The following TNKS variants were observed in gnomAD, a reference collection of about 807,000 sequenced individuals.
TNKS encodes the protein poly [ADP-ribose] polymerase tankyrase-1.
TNKS carries 72 observed loss-of-function variants against 135.8 expected under a neutral mutation model. The observed-to-expected ratio is 0.53, with a 90% CI of 0.44 to 0.64. The LOEUF is 0.64. TNKS is among the 30% of genes least tolerant of loss of function. The pLI is 0.00. For synonymous variants in TNKS, 849 were observed against 649.3 expected (o/e 1.31, Z -4.68); for missense variants, 1,769 against 1,674.0 (o/e 1.06, Z -0.99).
At chr8:9,735,569 G>A (rs1439943699) in intron 17 of TNKS, 83 bp downstream of exon 17, 1 of 1,091,440 alleles carries the variant, frequency 9.2e-7, no homozygotes. Context: ...AGGAGGCCGA[G>A]GAAGGTAGAT....
Position 9,769,655 on chromosome 8 carries a change from T to G in TNKS, c.3741-451T>G, listed in dbSNP as rs554627211. Among the ~76,000 whole-genome samples, 8 of 143,746 alleles carry G rather than the reference T, an allele frequency of 5.6e-5. No individual in the cohort carries two copies. In the East Asian group the frequency reaches 1.8e-3, roughly 32 times the overall value. The allele number at this position is 143,746 out of a possible 152,430, so 94.3% of individuals were successfully genotyped here. A position where few individuals can be genotyped will look rare whatever the true frequency, so the allele number is the denominator to read the frequency against. ...TTTTTTTTGAGACGGAGTCTCGCTCTGTCGCCCAGCCTGGAGTGCAGTGGC... is the reference window on the plus strand; with the variant it reads ...TTTTTTTTGAGACGGAGTCTCGCTCGGTCGCCCAGCCTGGAGTGCAGTGGC... On this transcript the variant is annotated intron_variant, in intron 25 of 26. Coordinates refer to ENST00000310430, the MANE Select transcript of TNKS (RefSeq NM_003747.3).
chr8:9,663,529 C>T (rs1801836688), intron 3 of TNKS, among the ~76,000 whole-genome samples: 1 of 152,320 alleles, frequency 6.6e-6, no homozygotes, highest in East Asian at 1.9e-4. Flanking sequence ...TCTGTTCTAA[C>T]ACTGTCTGCT....
chr8:9,735,466 C>G lies in TNKS; in HGVS notation c.2623C>G (p.His875Asp), dbSNP rs1805650756. 1 of 1,613,678 alleles carries G rather than the reference C, an allele frequency of 6.2e-7. No homozygotes were observed. The highest frequency in any genetic ancestry group is 8.5e-7 in the Non-Finnish European group (1 of 1,179,774). ...GGACAAGGGTGGTTTAATTCCTCTT[C>G]ATAATGCGGCATCTTATGGGGTAAG... is the stretch of plus-strand genomic sequence containing the variant. ...AQDKGGLIPL[H>D]NAASYGHVDI... The change falls in exon 17 of 27, where the codon CAT becomes GAT. Residue 875 changes from histidine (H) to aspartate (D), a missense_variant. Transcript: ENST00000310430.
chr8:9,719,384 A>T (rs574637408), intron 11 of TNKS, among the ~76,000 whole-genome samples: 25 of 152,312 alleles, frequency 1.6e-4, no homozygotes, highest in Admixed American at 4.6e-4. Flanking sequence ...CTTTAGCAGG[A>T]GCTTTCTAGA....
intron 3 of TNKS, among the ~76,000 whole-genome samples, chr8:9,672,681 T>TACAC (rs60210743): frequency 0.083 from 6,983 of 84,470 alleles, 474 homozygotes; most frequent in Non-Finnish European, 0.11. Context: ...AAAAAACACA[T>TACAC]ACACACACAC....
At chr8:9,663,702 G>A (rs781503966) in intron 3 of TNKS, among the ~76,000 whole-genome samples, 5 of 152,198 alleles carry the variant, frequency 3.3e-5, no homozygotes, top group African/African-American at 1.2e-4. Flanking sequence ...TTATTTGCTA[G>A]TGGTGCCCAC....
intron 1 of TNKS, among the ~76,000 whole-genome samples, chr8:9,578,219 A>G (rs1282322953): frequency 6.6e-6 from 1 of 152,228 alleles, no homozygotes; most frequent in African/African-American, 2.4e-5. Flanking sequence ...TCAGATCCGT[A>G]GAGAAGGAGA....
intron 2 of TNKS, among the ~76,000 whole-genome samples, chr8:9,611,820 T>A (rs1323096645): frequency 6.6e-6 from 1 of 152,226 alleles, no homozygotes; most frequent in Non-Finnish European, 1.5e-5. Context: ...TTTGGGACAT[T>A]TAAGAATGTG....
At position 9,730,207 on chromosome 8, in the gene TNKS, T is replaced by C. The variant is rs189250961; in HGVS notation, c.2002-683T>C. On this transcript the variant is annotated intron_variant, in intron 13 of 26. Transcript: ENST00000310430. ...AACAAACGGAGCTTACAATTTAGAT[T>C]GTGCTGAAATTGAAGCATTCAGGGA... is the stretch of plus-strand genomic sequence containing the variant. Among the ~76,000 whole-genome samples the C allele has an allele frequency of 2.0e-5, 3 of 152,278 alleles. No individual in the cohort carries two copies. In the East Asian group the frequency reaches 5.8e-4, roughly 29 times the overall value.
Position 9,770,271 on chromosome 8 carries a change from C to G in TNKS, c.3897+9C>G, listed in dbSNP as rs1348186392. 2 of 1,603,042 alleles carry G rather than the reference C, an allele frequency of 1.2e-6. No individual in the cohort carries two copies. The highest frequency in any genetic ancestry group is 1.1e-5 in the South Asian group (1 of 90,374). ...TCTACAGAGGAGAACAGGTATGTTACTCATCAAACAAGCATAACCAAGTTC... is the reference window on the plus strand; with the variant it reads ...TCTACAGAGGAGAACAGGTATGTTAGTCATCAAACAAGCATAACCAAGTTC... On this transcript the variant is annotated intron_variant, in intron 26 of 26. Coordinates refer to ENST00000310430, the MANE Select transcript of TNKS (RefSeq NM_003747.3).
chr8:9,752,752 T>C, intron 20 of TNKS, 126 bp downstream of exon 20: 2 of 583,806 alleles, frequency 3.4e-6, no homozygotes, highest in South Asian at 2.9e-5. Flanking sequence ...CCCAGGAGTT[T>C]GAGACCAGCC....
Position 9,680,034 on chromosome 8 carries a change from A to G in TNKS, c.1031+47A>G, listed in dbSNP as rs547227107. The G allele has an allele frequency of 1.1e-5, 16 of 1,418,240 alleles. No individual in the cohort carries two copies. The East Asian group carries it at 1.4e-4, about 12-fold the overall frequency. The allele number at this position is 1,418,240 out of a possible 1,614,324, so 87.9% of individuals were successfully genotyped here. On this transcript the variant is annotated intron_variant, in intron 4 of 26. Coordinates refer to ENST00000310430, the MANE Select transcript of TNKS (RefSeq NM_003747.3). ...AAGTGTATATAATGCATTAAGGAAG[A>G]GAAGGAGGAGGGCAGGTGGAGGACT... is the stretch of plus-strand genomic sequence containing the variant.
chr8:9,612,244 A>G (rs934079087), intron 2 of TNKS, among the ~76,000 whole-genome samples: 4 of 152,156 alleles, frequency 2.6e-5, no homozygotes, highest in Non-Finnish European at 5.9e-5. Context: ...AATTTTGTAA[A>G]ATATAAATAA....
At chr8:9,576,105 G>C (rs1257409591) in intron 1 of TNKS, among the ~76,000 whole-genome samples, 1 of 152,170 alleles carries the variant, frequency 6.6e-6, no homozygotes, top group Non-Finnish European at 1.5e-5. Flanking sequence ...GTCACTGACA[G>C]AGCAGAATGA....
chr8:9,597,377 A>G (rs7815644), intron 2 of TNKS, among the ~76,000 whole-genome samples: 21,078 of 152,242 alleles, frequency 0.14, 2,024 homozygotes, highest in African/African-American at 0.28. Flanking sequence ...CGGACACTCA[A>G]TCAAAGCTCA....
At chr8:9,561,663 C>G (rs1253294844) in intron 1 of TNKS, among the ~76,000 whole-genome samples, 1 of 152,130 alleles carries the variant, frequency 6.6e-6, no homozygotes, top group Non-Finnish European at 1.5e-5. Context: ...AATGAACATT[C>G]TTATAAAATC....
intron 1 of TNKS, among the ~76,000 whole-genome samples, chr8:9,567,552 ACT>A (rs1289286337): frequency 6.6e-6 from 1 of 152,146 alleles, no homozygotes; most frequent in Non-Finnish European, 1.5e-5. Flanking sequence ...AGTAGCTGGG[ACT>A]ACAGGCGCCC....
chr8:9,581,348 A>C (rs535682141), intron 2 of TNKS, among the ~76,000 whole-genome samples: 1 of 152,198 alleles, frequency 6.6e-6, no homozygotes, highest in African/African-American at 2.4e-5. Flanking sequence ...ATCCTTTGCT[A>C]CTTGAGCATC....
intron 19 of TNKS, 46 bp from the exon 20 acceptor site, chr8:9,752,492 CTTTATA>C (rs1435282956): frequency 3.5e-6 from 5 of 1,408,776 alleles, no homozygotes; most frequent in Non-Finnish European, 5.0e-6. Flanking sequence ...CTGAAATTTT[CTTTATA>C]TTTAGAGAAT....
Sources: gnomAD v4.1 joint callset for allele counts (sites outside exome capture counted in the v4.1 genomes callset) on GRCh38, gnomAD v4.1.1 for gene constraint, MANE v1.5 for transcripts, NCBI Gene and HGNC (gene_info 2026-07-23, HGNC 2026-07-21) for gene names.